The following SLC4A4 variants were observed in gnomAD, a reference collection of about 807,000 sequenced individuals.
SLC4A4 encodes the protein solute carrier family 4 member 4.
Under a neutral mutation model 111.5 loss-of-function variants are expected in SLC4A4, and 27 were observed. The observed-to-expected ratio is 0.24, with a 90% CI of 0.18 to 0.33. The LOEUF is 0.33. SLC4A4 is among the 10% of genes least tolerant of loss of function. The pLI is 1.00. For synonymous variants in SLC4A4, 443 were observed against 463.4 expected (o/e 0.96, Z 0.57); for missense variants, 909 against 1,315.5 (o/e 0.69, Z 4.78).
At chr4:71,263,158 A>G (rs1278569653) in intron 3 of SLC4A4, among the ~76,000 whole-genome samples, 4 of 152,244 alleles carry the variant, frequency 2.6e-5, no homozygotes, top group South Asian at 2.1e-4. Context: ...TAAAGTAATG[A>G]GTAAAGCAAC....
At chr4:71,171,939 G>A (rs1435786485) in intron 2 of SLC4A4, among the ~76,000 whole-genome samples, 1 of 152,210 alleles carries the variant, frequency 6.6e-6, no homozygotes, top group Non-Finnish European at 1.5e-5. Context: ...GCTACTGGTG[G>A]AGGCAGAGAG....
At chr4:71,270,939 G>T (rs1025721519) in intron 3 of SLC4A4, among the ~76,000 whole-genome samples, 1 of 152,184 alleles carries the variant, frequency 6.6e-6, no homozygotes, top group African/African-American at 2.4e-5. Flanking sequence ...AATTTGGATT[G>T]CCCCTTGAAG....
chr4:71,231,451 T>A (rs945637451), intron 1 of SLC4A4, among the ~76,000 whole-genome samples: 1 of 152,236 alleles, frequency 6.6e-6, no homozygotes, highest in Non-Finnish European at 1.5e-5. Context: ...GCCGGTCCTT[T>A]TGGCAGTAGA....
intron 2 of SLC4A4, among the ~76,000 whole-genome samples, chr4:71,109,349 GA>G (rs1272540043): frequency 6.6e-6 from 1 of 151,992 alleles, no homozygotes; most frequent in East Asian, 1.9e-4. Flanking sequence ...ACGAAGGGGG[GA>G]AAATGCACCA....
At chr4:71,376,631 T>C (rs1253102408) in intron 6 of SLC4A4, among the ~76,000 whole-genome samples, 1 of 149,516 alleles carries the variant, frequency 6.7e-6, no homozygotes, top group East Asian at 1.9e-4. Flanking sequence ...TATATTTAAA[T>C]GTATTTTATT....
intron 3 of SLC4A4, among the ~76,000 whole-genome samples, chr4:71,319,203 A>G (rs1726933795): frequency 6.6e-6 from 1 of 151,968 alleles, no homozygotes; most frequent in Admixed American, 6.6e-5. Flanking sequence ...AGTTCCTTTC[A>G]CCACATATTC....
At chr4:71,100,345 C>CA (rs71673457) in intron 2 of SLC4A4, among the ~76,000 whole-genome samples, 10,309 of 145,082 alleles carry the variant, frequency 0.071, 514 homozygotes, top group African/African-American at 0.14. Context: ...GAATTAAAGA[C>CA]AAAAAAAAAA....
At position 71,156,779 on chromosome 4, in the gene SLC4A4, T is replaced by G. The variant is rs564514133; in HGVS notation, c.-2+63987T>G. On this transcript the variant is annotated intron_variant, in intron 2 of 26. Transcript: ENST00000649996. ...CTACCACTACTATTTTCCTCCTGATTTCTTGCATTTCATCAGCAGTAGTTT... is the reference window on the plus strand; with the variant it reads ...CTACCACTACTATTTTCCTCCTGATGTCTTGCATTTCATCAGCAGTAGTTT... Among the ~76,000 whole-genome samples the G allele has an allele frequency of 3.9e-5, 6 of 152,284 alleles. No homozygotes were observed. In the East Asian group the frequency reaches 1.2e-3, roughly 29 times the overall value.
At chr4:71,162,856 T>C (rs1438762673) in intron 2 of SLC4A4, among the ~76,000 whole-genome samples, 2 of 152,222 alleles carry the variant, frequency 1.3e-5, no homozygotes, top group Non-Finnish European at 2.9e-5. Flanking sequence ...ATTTCAATTG[T>C]ATTTCTTTTT....
chr4:71,357,970 G>C (rs549206789), intron 6 of SLC4A4, among the ~76,000 whole-genome samples: 2 of 152,086 alleles, frequency 1.3e-5, no homozygotes, highest in African/African-American at 4.8e-5. Context: ...CTAAGCATTG[G>C]CTGATAGGAT....
intron 3 of SLC4A4, among the ~76,000 whole-genome samples, chr4:71,311,919 G>GAGAGAGAA (rs1726218243): frequency 1.3e-5 from 2 of 151,284 alleles, no homozygotes; most frequent in Admixed American, 6.6e-5. Context: ...GAGAGAGAGA[G>GAGAGAGAA]AGAGAGAGAG....
At chr4:71,257,353 C>G (rs1014885731) in intron 3 of SLC4A4, among the ~76,000 whole-genome samples, 42 of 152,098 alleles carry the variant, frequency 2.8e-4, no homozygotes, top group African/African-American at 1.0e-3. Flanking sequence ...CCGTTTTGTT[C>G]CTGCTGATCA....
At chr4:71,369,240 G>T (rs1731627312) in intron 6 of SLC4A4, among the ~76,000 whole-genome samples, 1 of 152,220 alleles carries the variant, frequency 6.6e-6, no homozygotes, top group African/African-American at 2.4e-5. Context: ...GAAACCTCAA[G>T]AATGCCTGAA....
At chr4:71,336,612 G>C (rs1007606523) in intron 3 of SLC4A4, among the ~76,000 whole-genome samples, 1 of 151,998 alleles carries the variant, frequency 6.6e-6, no homozygotes, top group African/African-American at 2.4e-5. Flanking sequence ...AAACTGTCAT[G>C]CTCTCTAAAT....
At chr4:71,226,184 G>C (rs1046311557) in intron 1 of SLC4A4, among the ~76,000 whole-genome samples, 52 of 152,216 alleles carry the variant, frequency 3.4e-4, no homozygotes, top group African/African-American at 1.2e-3. Flanking sequence ...ATAGGCCGGA[G>C]TGCAGTGGCT....
At chr4:71,455,758 T>C (rs901459805) in intron 12 of SLC4A4, among the ~76,000 whole-genome samples, 2 of 152,192 alleles carry the variant, frequency 1.3e-5, no homozygotes, top group Admixed American at 1.3e-4. Context: ...CTTTTTTGAA[T>C]TGAATTGTAA....
chr4:71,182,315 C>T (rs966491607), upstream of SLC4A4, among the ~76,000 whole-genome samples: 4 of 152,130 alleles, frequency 2.6e-5, no homozygotes, highest in Non-Finnish European at 5.9e-5. Flanking sequence ...AAGGAGCCAA[C>T]GTTTAATATT....
chr4:71,437,485 A>G (rs1039023400), intron 7 of SLC4A4: 1 of 363,126 alleles, frequency 2.8e-6, no homozygotes, highest in African/African-American at 2.1e-5. Flanking sequence ...TTTTGCTGGA[A>G]CACCTGCTGT....
intron 4 of SLC4A4, among the ~76,000 whole-genome samples, chr4:71,347,654 G>A (rs1328791487): frequency 1.3e-5 from 2 of 152,088 alleles, no homozygotes; most frequent in Non-Finnish European, 2.9e-5. Flanking sequence ...ACCATAGAGA[G>A]GATGATGGCA....
Sources: gnomAD v4.1 joint callset for allele counts (sites outside exome capture counted in the v4.1 genomes callset) on GRCh38, gnomAD v4.1.1 for gene constraint, MANE v1.5 for transcripts, NCBI Gene and HGNC (gene_info 2026-07-23, HGNC 2026-07-21) for gene names.